AP2A1: variants seen among roughly 807,000 people sequenced by gnomAD.
The protein encoded by AP2A1 is AP-2 complex subunit alpha-1.
AP2A1 carries 21 observed loss-of-function variants against 107.3 expected under a neutral mutation model. The ratio of observed to expected loss-of-function variants is 0.20; its 90% CI spans 0.14 to 0.28. AP2A1 has a LOEUF of 0.28. AP2A1 is among the 10% of genes least tolerant of loss of function. The probability of loss-of-function intolerance (pLI) is 1.00; values close to 1 mark genes in which losing one functional copy is unlikely to be tolerated. For synonymous variants in AP2A1, 602 were observed against 564.8 expected (o/e 1.07, Z -0.93); for missense variants, 873 against 1,307.7 (o/e 0.67, Z 5.13).
At chr19:49,793,898 C>CTTTTTTTTTTT (rs956804227) in intron 6 of AP2A1, among the ~76,000 whole-genome samples, 2 of 74,584 alleles carry the variant, frequency 2.7e-5, no homozygotes, top group Non-Finnish European at 5.2e-5. Flanking sequence ...CTCATTGTTT[C>CTTTTTTTTTTT]TTTTTTTTTT....
chr19:49,802,852 G>C, intron 15 of AP2A1, 97 bp from the exon 16 acceptor site: 1 of 1,399,118 alleles, frequency 7.1e-7, no homozygotes, highest in South Asian at 1.2e-5. Flanking sequence ...TGGTTCTGGG[G>C]TTCTGTCCTT....
intron 7 of AP2A1, among the ~76,000 whole-genome samples, chr19:49,798,429 T>C (rs1384290696): frequency 1.3e-5 from 2 of 152,066 alleles, no homozygotes; most frequent in Non-Finnish European, 2.9e-5. Context: ...AGGCCTGGGT[T>C]TGGGGGCACC....
intron 1 of AP2A1, among the ~76,000 whole-genome samples, chr19:49,768,935 G>A (rs1430512864): frequency 6.6e-6 from 1 of 152,148 alleles, no homozygotes; most frequent in East Asian, 1.9e-4. Flanking sequence ...TCTAGGTACT[G>A]GGGTGACAAT....
chr19:49,791,911 C>T lies in AP2A1; in HGVS notation c.474-24C>T, dbSNP rs567223456. 4 of 1,589,098 alleles carry T rather than the reference C, an allele frequency of 2.5e-6. No individual in the cohort carries two copies. In the African/African-American group the frequency reaches 5.4e-5, roughly 21 times the overall value. The stretch of plus-strand genomic sequence containing the variant: ...GCTGGGGTCACTGACTCTGCTTCCC[C>T]TGCCCTGCATGGTGTCCCCACAGGG... On this transcript the variant is annotated intron_variant, in intron 4 of 22. Transcript: ENST00000354293.
intron 4 of AP2A1, among the ~76,000 whole-genome samples, chr19:49,786,690 C>T (rs963295926): frequency 7.9e-5 from 12 of 152,168 alleles, no homozygotes; most frequent in Admixed American, 3.9e-4. Context: ...AGGGAGTGGC[C>T]AGTCGCAAAT....
At chr19:49,792,926 T>G (rs2073164926) in intron 5 of AP2A1, 65 bp from the exon 6 acceptor site, 1 of 1,398,072 alleles carries the variant, frequency 7.2e-7, no homozygotes, top group Admixed American at 2.0e-5. Flanking sequence ...GTCCCGCTCC[T>G]GAGCCTCTGC....
At chr19:49,770,029 T>C (rs575390405) in intron 1 of AP2A1, among the ~76,000 whole-genome samples, 1 of 152,194 alleles carries the variant, frequency 6.6e-6, no homozygotes, top group Admixed American at 6.5e-5. Flanking sequence ...CCACCACGCT[T>C]GGCTAATTTT....
intron 22 of AP2A1, 105 bp from the exon 23 acceptor site, chr19:49,806,576 C>T (rs1295178198): frequency 2.1e-5 from 33 of 1,548,552 alleles, no homozygotes; most frequent in Middle Eastern, 2.4e-4. Context: ...TGTCTTGTAT[C>T]ACCTTTCTGG....
At chr19:49,773,756 C>T (rs544321844) in intron 1 of AP2A1, among the ~76,000 whole-genome samples, 3 of 152,170 alleles carry the variant, frequency 2.0e-5, no homozygotes, top group South Asian at 4.2e-4. Flanking sequence ...CAGAGAGTGT[C>T]GCTGAAAAGG....
intron 11 of AP2A1, chr19:49,800,741 G>A: frequency 2.1e-6 from 1 of 481,620 alleles, no homozygotes; most frequent in Non-Finnish European, 3.7e-6. Context: ...AAAGTACCAG[G>A]ATTACAGGCA....
At position 49,799,652 on chromosome 19, in the gene AP2A1, G is replaced by T; in HGVS notation, c.1158G>T (p.Arg386=). ...AGACGGAGCGGGACGTCAGCGTGCG[G>T]CAGCGGGCGGCTGACCTCCTCTACG... ...ALKTERDVSV[R]QRAADLLYAM... is the part of the protein sequence containing the mutation. The change falls in exon 10 of 23, where the codon CGG becomes CGT. Residue 386 remains arginine, a synonymous_variant. Transcript: ENST00000354293. 2 of 1,611,346 alleles carry T rather than the reference G, an allele frequency of 1.2e-6. No homozygotes were observed. The highest frequency in any genetic ancestry group is 2.2e-5 in the East Asian group (1 of 44,886).
intron 4 of AP2A1, among the ~76,000 whole-genome samples, chr19:49,787,731 A>G (rs2123708808): frequency 1.3e-5 from 2 of 152,204 alleles, no homozygotes; most frequent in Admixed American, 1.3e-4. Flanking sequence ...ACCTAATTGC[A>G]GAACACTCAT....
chr19:49,786,597 G>C (rs568749479), intron 4 of AP2A1, among the ~76,000 whole-genome samples: 46 of 152,336 alleles, frequency 3.0e-4, no homozygotes, highest in Non-Finnish European at 5.6e-4. Flanking sequence ...GCTCTGGCAG[G>C]GGGGGTGGGA....
At chr19:49,790,867 G>C (rs2123717322) in intron 4 of AP2A1, among the ~76,000 whole-genome samples, 1 of 152,396 alleles carries the variant, frequency 6.6e-6, no homozygotes, top group Non-Finnish European at 1.5e-5. Flanking sequence ...AGACCTGTGG[G>C]AGTGCTGGAC....
intron 4 of AP2A1, among the ~76,000 whole-genome samples, chr19:49,790,115 C>T (rs2073123260): frequency 6.6e-6 from 1 of 152,280 alleles, no homozygotes; most frequent in South Asian, 2.1e-4. Flanking sequence ...ATCCATCTCA[C>T]GGGGCTAAAA....
chr19:49,787,288 G>A (rs547991403), intron 4 of AP2A1, among the ~76,000 whole-genome samples: 2 of 147,196 alleles, frequency 1.4e-5, no homozygotes, highest in Admixed American at 1.4e-4. Flanking sequence ...CTCCCAAAGT[G>A]TTGGGATTAC....
intron 12 of AP2A1, 82 bp from the exon 13 acceptor site, chr19:49,801,308 C>A: frequency 7.1e-7 from 1 of 1,417,352 alleles, no homozygotes; most frequent in Non-Finnish European, 9.7e-7. Context: ...ACGGGTCCAT[C>A]CTAGGGAGGG....
chr19:49,779,507 A>AAAAAC (rs2084652369), intron 1 of AP2A1, among the ~76,000 whole-genome samples: 1 of 151,368 alleles, frequency 6.6e-6, no homozygotes, highest in Non-Finnish European at 1.5e-5. Context: ...AAAAAAAAAA[A>AAAAAC]AAAACAGAAA....
intron 4 of AP2A1, among the ~76,000 whole-genome samples, chr19:49,784,851 G>C (rs1019172351): frequency 1.3e-5 from 2 of 152,138 alleles, no homozygotes; most frequent in East Asian, 3.8e-4. Flanking sequence ...CTGGGTGACA[G>C]AGTAAGACCC....
Sources: allele counts gnomAD v4.1 joint callset (sites outside exome capture counted in the v4.1 genomes callset), GRCh38; gene constraint gnomAD v4.1.1; transcripts MANE v1.5; gene names NCBI Gene and HGNC (gene_info 2026-07-23, HGNC 2026-07-21).